DDR2: variants seen among roughly 807,000 people sequenced by gnomAD.
DDR2 encodes the protein discoidin domain receptor tyrosine kinase 2.
In DDR2, 27 loss-of-function variants were observed where a neutral mutation model predicts 94.9. The ratio of observed to expected loss-of-function variants is 0.28; its 90% CI spans 0.21 to 0.39. DDR2 has a LOEUF of 0.39. DDR2 is among the 10% of genes least tolerant of loss of function. DDR2 has a pLI of 1.00. For synonymous variants in DDR2, 382 were observed against 377.2 expected, an observed-to-expected ratio of 1.01 and a Z score of -0.15; for missense variants, 783 against 1,076.0, an observed-to-expected ratio of 0.73 and a Z score of 3.81.
At chr1:162,695,465 A>G (rs1660146252) in intron 2 of DDR2, among the ~76,000 whole-genome samples, 1 of 152,156 alleles carries the variant, frequency 6.6e-6, no homozygotes. Context: ...TTCTGAGCTC[A>G]AGTTATCCAC....
At chr1:162,711,348 C>T (rs1660904546) in intron 2 of DDR2, among the ~76,000 whole-genome samples, 1 of 152,108 alleles carries the variant, frequency 6.6e-6, no homozygotes, top group Non-Finnish European at 1.5e-5. Flanking sequence ...TTTAAATGTA[C>T]TGTGTGGGAT....
chr1:162,776,111 T>C (rs2102197846), intron 15 of DDR2, 25 bp from the exon 16 acceptor site: 1 of 1,588,662 alleles, frequency 6.3e-7, no homozygotes, highest in East Asian at 2.2e-5. Context: ...TAGGCTACCT[T>C]CTGTCTTCTT....
At chr1:162,749,104 G>T (rs1479631434) in intron 3 of DDR2, among the ~76,000 whole-genome samples, 1 of 152,142 alleles carries the variant, frequency 6.6e-6, no homozygotes, top group African/African-American at 2.4e-5. Context: ...AACTAGAGAA[G>T]CAAGAGCAAA....
intron 3 of DDR2, among the ~76,000 whole-genome samples, chr1:162,740,709 G>A (rs1470625046): frequency 6.6e-6 from 1 of 152,102 alleles, no homozygotes; most frequent in Non-Finnish European, 1.5e-5. Context: ...GTGACAAAAG[G>A]CACTTTGTTT....
At chr1:162,739,875 T>C (rs1002237100) in intron 3 of DDR2, among the ~76,000 whole-genome samples, 3 of 151,928 alleles carry the variant, frequency 2.0e-5, no homozygotes, top group Non-Finnish European at 2.9e-5. Flanking sequence ...AGTAGAATCT[T>C]CTCTCAGTGG....
chr1:162,751,251 A>G (rs1310456253), intron 3 of DDR2, among the ~76,000 whole-genome samples: 1 of 152,224 alleles, frequency 6.6e-6, no homozygotes, highest in East Asian at 1.9e-4. Context: ...TACCCATCTG[A>G]CAAAGGGCTA....
chr1:162,666,271 A>G (rs1658560332), intron 2 of DDR2, among the ~76,000 whole-genome samples: 1 of 152,188 alleles, frequency 6.6e-6, no homozygotes, highest in African/African-American at 2.4e-5. Flanking sequence ...TAGCAGCACA[A>G]AAGATTTTGA....
chr1:162,727,968 T>TATAG (rs1553248679), intron 3 of DDR2, among the ~76,000 whole-genome samples: 1 of 142,556 alleles, frequency 7.0e-6, no homozygotes, highest in Non-Finnish European at 1.5e-5. Context: ...TATCTATATA[T>TATAG]ATATATATAG....
chr1:162,659,888 C>T (rs912713682), intron 2 of DDR2, among the ~76,000 whole-genome samples: 1 of 152,164 alleles, frequency 6.6e-6, no homozygotes, highest in Non-Finnish European at 1.5e-5. Context: ...CTATTACTGT[C>T]AGAGCAGATT....
At chr1:162,638,652 G>C (rs899744870) in intron 1 of DDR2, among the ~76,000 whole-genome samples, 1 of 152,210 alleles carries the variant, frequency 6.6e-6, no homozygotes, top group Non-Finnish European at 1.5e-5. Context: ...TCAGAGGCAT[G>C]TAAAAGTTAG....
chr1:162,755,087 G>A (rs1339181177), intron 5 of DDR2, 69 bp from the exon 6 acceptor site: 11 of 1,604,092 alleles, frequency 6.9e-6, no homozygotes, highest in Non-Finnish European at 8.5e-6. Flanking sequence ...CATCAAAAAC[G>A]TGGTGGGGTG....
chr1:162,651,645 A>G (rs754996429), intron 1 of DDR2, among the ~76,000 whole-genome samples: 1 of 152,238 alleles, frequency 6.6e-6, no homozygotes, highest in African/African-American at 2.4e-5. Flanking sequence ...TACATATTAC[A>G]TACTAGGAAC....
chr1:162,719,461 G>T (rs1209708674), intron 3 of DDR2, among the ~76,000 whole-genome samples: 3 of 152,144 alleles, frequency 2.0e-5, no homozygotes, highest in African/African-American at 7.2e-5. Context: ...AAACAGGACA[G>T]AATTTTTAGA....
intron 2 of DDR2, among the ~76,000 whole-genome samples, chr1:162,716,463 T>G (rs1050368362): frequency 2.0e-5 from 3 of 152,186 alleles, no homozygotes; most frequent in Non-Finnish European, 2.9e-5. Flanking sequence ...GTGTGTTTCT[T>G]TCTCTGGGCA....
At chr1:162,688,440 A>G (rs1184509298) in intron 2 of DDR2, among the ~76,000 whole-genome samples, 1 of 152,234 alleles carries the variant, frequency 6.6e-6, no homozygotes, top group Admixed American at 6.5e-5. Flanking sequence ...CAATATGGCA[A>G]CTGAGGCACA....
At chr1:162,752,113 T>A (rs1321880236) in intron 3 of DDR2, among the ~76,000 whole-genome samples, 2 of 151,730 alleles carry the variant, frequency 1.3e-5, no homozygotes, top group African/African-American at 4.9e-5. Context: ...CTGCACATTG[T>A]GCACATGTAC....
Position 162,772,087 on chromosome 1 carries a change from A to T in DDR2, c.1568A>T (p.Glu523Val). The change falls in exon 13 of 18, where the codon GAG (glutamate) becomes GTG (valine). Residue 523 changes from glutamate (E) to valine (V), a missense_variant. This residue lies in a region of DDR2 where 264 missense variants were observed against 428.2 expected (regional missense o/e 0.62). Transcript: ENST00000367921. The stretch of plus-strand genomic sequence containing the variant: ...CCTGAGGGGGTGCCCCACTATGCAG[A>T]GGCTGACATAGTGAACCTCCAAGGA... ...SGPEGVPHYA[E>V]ADIVNLQGVT... 1 of 1,614,032 alleles carries T rather than the reference A, an allele frequency of 6.2e-7. No homozygotes were observed. Among genetic ancestry groups the T allele is most frequent in the Non-Finnish European group, 8.5e-7 (1 of 1,180,000 alleles).
chr1:162,780,112 A>G lies in DDR2; in HGVS notation c.2434A>G (p.Thr812Ala). Residue 812 changes from threonine (T) to alanine (A), a missense_variant and splice_region_variant, in exon 18 of 18, where the codon ACT (threonine) becomes GCT (alanine). Physicochemically the swap from Thr to Ala is moderately conservative, Grantham distance 58 (BLOSUM62 0). Transcript: ENST00000367921. The stretch of plus-strand genomic sequence containing the variant: ...TTTTCCTTTATTTTTGTTCCCAAAG[A>G]CTTACCTCCCTCAACCAGCCATTTG... ...GEFFRDQGRQ[T>A]YLPQPAICPD... 1 of 1,613,794 alleles carries G rather than the reference A, an allele frequency of 6.2e-7. No homozygotes were observed. The highest frequency in any genetic ancestry group is 1.1e-5 in the South Asian group (1 of 91,072).
chr1:162,676,408 C>T (rs1316622844), intron 2 of DDR2, among the ~76,000 whole-genome samples: 3 of 152,186 alleles, frequency 2.0e-5, no homozygotes, highest in African/African-American at 4.8e-5. Flanking sequence ...TTATATAATA[C>T]TTTACCCCCT....
Sources: gnomAD v4.1 joint callset for allele counts (sites outside exome capture counted in the v4.1 genomes callset) on GRCh38, gnomAD v4.1.1 for gene constraint, gnomAD v4.1.1 regional missense constraint, MANE v1.5 for transcripts, NCBI Gene and HGNC (gene_info 2026-07-23, HGNC 2026-07-21) for gene names.